Variants in MAPK10 observed in about 807,000 individuals in gnomAD.
MAPK10 encodes the protein JNK3 alpha protein kinase.
In MAPK10, 25 loss-of-function variants were observed where a neutral mutation model predicts 59.3. That is an observed-to-expected ratio of 0.42 (90% CI 0.31 to 0.59). The LOEUF (loss-of-function observed/expected upper bound fraction) is 0.59. Among genes scored for constraint, MAPK10 ranks in the 20% least tolerant of loss-of-function variants. The probability of loss-of-function intolerance (pLI) is 0.15; values close to 1 mark genes in which losing one functional copy is unlikely to be tolerated. For synonymous variants in MAPK10, 190 were observed against 200.5 expected (o/e 0.95, Z 0.44); for missense variants, 351 against 568.9 (o/e 0.62, Z 3.90).
chr4:86,102,059 T>C, intron 6 of MAPK10, 27 bp from the exon 7 acceptor site: 1 of 1,609,896 alleles, frequency 6.2e-7, no homozygotes, highest in Non-Finnish European at 8.5e-7. Flanking sequence ...ACAGTGTTAG[T>C]TCCAGATCAC....
At chr4:86,168,762 A>G (rs2072894903) in intron 3 of MAPK10, among the ~76,000 whole-genome samples, 1 of 152,160 alleles carries the variant, frequency 6.6e-6, no homozygotes, top group Non-Finnish European at 1.5e-5. Flanking sequence ...CTGCCTCCTC[A>G]AGTGGGTCCC....
At chr4:86,120,291 G>T (rs2059021026) in intron 4 of MAPK10, 1 of 152,204 alleles carries the variant, frequency 6.6e-6, no homozygotes, top group African/African-American at 2.4e-5. Flanking sequence ...CTAAATTGAA[G>T]CAAGGCAGCA....
At chr4:86,348,713 GTCTCTTA>G (rs1729581272) in intron 2 of MAPK10, among the ~76,000 whole-genome samples, 1 of 152,004 alleles carries the variant, frequency 6.6e-6, no homozygotes, top group Non-Finnish European at 1.5e-5. Context: ...CTACTCTTTG[GTCTCTTA>G]GTTCTGCCTT....
intron 1 of MAPK10, among the ~76,000 whole-genome samples, chr4:86,375,748 A>C (rs1739703329): frequency 6.8e-6 from 1 of 147,524 alleles, no homozygotes; most frequent in Non-Finnish European, 1.5e-5. Flanking sequence ...AAAAAATTAA[A>C]TGGAAAGAAG....
At chr4:86,225,729 T>C (rs2090494378) in intron 2 of MAPK10, among the ~76,000 whole-genome samples, 1 of 152,222 alleles carries the variant, frequency 6.6e-6, no homozygotes, top group Non-Finnish European at 1.5e-5. Context: ...CAATAGGTAC[T>C]AATAAAACAT....
At chr4:86,131,099 T>A (rs572689788) in intron 4 of MAPK10, among the ~76,000 whole-genome samples, 1 of 152,164 alleles carries the variant, frequency 6.6e-6, no homozygotes, top group Admixed American at 6.6e-5. Flanking sequence ...CAGGGACAGA[T>A]AAATTATGGC....
At chr4:86,547,398 G>T (rs962282459) in intron 1 of MAPK10, among the ~76,000 whole-genome samples, 6 of 152,212 alleles carry the variant, frequency 3.9e-5, no homozygotes, top group African/African-American at 9.6e-5. Context: ...CCCAGCAGTC[G>T]GCCGGCCCCA....
chr4:86,149,677 A>G (rs1562352560), intron 4 of MAPK10, among the ~76,000 whole-genome samples: 1 of 152,204 alleles, frequency 6.6e-6, no homozygotes, highest in Non-Finnish European at 1.5e-5. Flanking sequence ...ACAATAATGA[A>G]AACTAACAGG....
intron 3 of MAPK10, among the ~76,000 whole-genome samples, chr4:86,186,184 TC>T (rs1562851083): frequency 6.6e-6 from 1 of 152,124 alleles, no homozygotes; most frequent in Non-Finnish European, 1.5e-5. Context: ...TATTATTTCC[TC>T]CTTTTATAAA....
intron 4 of MAPK10, among the ~76,000 whole-genome samples, chr4:86,134,218 C>G (rs1052489726): frequency 6.6e-6 from 1 of 152,162 alleles, no homozygotes; most frequent in African/African-American, 2.4e-5. Flanking sequence ...TTGAAGATAT[C>G]TTTCATCTCC....
At chr4:86,496,347 TG>T (rs962960582) in intron 1 of MAPK10, among the ~76,000 whole-genome samples, 6 of 152,210 alleles carry the variant, frequency 3.9e-5, no homozygotes, top group African/African-American at 1.4e-4. Context: ...GGCCTGAACC[TG>T]GAAGATTTCC....
At chr4:86,408,824 G>A (rs1554259974) in intron 1 of MAPK10, among the ~76,000 whole-genome samples, 2 of 151,998 alleles carry the variant, frequency 1.3e-5, no homozygotes, top group Non-Finnish European at 2.9e-5. Flanking sequence ...TGGGTAGATT[G>A]CAAAAATTTT....
chr4:86,075,098 T>A (rs1396834138), intron 9 of MAPK10, among the ~76,000 whole-genome samples: 1 of 150,944 alleles, frequency 6.6e-6, no homozygotes, highest in Non-Finnish European at 1.5e-5. Context: ...CATTTCTTTT[T>A]ATTCTTTTTT....
At chr4:86,581,584 C>A (rs1762266270) in intron 1 of MAPK10, among the ~76,000 whole-genome samples, 1 of 151,500 alleles carries the variant, frequency 6.6e-6, no homozygotes, top group South Asian at 2.1e-4. Flanking sequence ...TTCAATCATG[C>A]CACATTTCCC....
intron 13 of MAPK10, among the ~76,000 whole-genome samples, chr4:86,022,531 C>T (rs956830835): frequency 6.6e-6 from 1 of 151,734 alleles, no homozygotes; most frequent in Admixed American, 6.6e-5. Flanking sequence ...TTTTTAAGGA[C>T]AGGGTCTCAG....
chr4:86,521,086 G>T (rs1757075032), intron 1 of MAPK10, among the ~76,000 whole-genome samples: 1 of 152,336 alleles, frequency 6.6e-6, no homozygotes, highest in African/African-American at 2.4e-5. Flanking sequence ...TTTCTCAAAT[G>T]CTGGTTATGC....
At chr4:86,408,466 G>A (rs1284724875) in intron 1 of MAPK10, among the ~76,000 whole-genome samples, 2 of 152,110 alleles carry the variant, frequency 1.3e-5, no homozygotes, top group Admixed American at 6.5e-5. Flanking sequence ...GATCCTTGAG[G>A]AATTGCCACA....
At chr4:86,522,491 G>A (rs1757184039) in intron 1 of MAPK10, among the ~76,000 whole-genome samples, 2 of 152,022 alleles carry the variant, frequency 1.3e-5, no homozygotes, top group African/African-American at 4.8e-5. Context: ...ATACATTTTA[G>A]CTTTTATGAT....
intron 1 of MAPK10, among the ~76,000 whole-genome samples, chr4:86,581,919 A>ATATAT (rs1762329664): frequency 1.8e-5 from 2 of 114,122 alleles, no homozygotes; most frequent in Non-Finnish European, 3.8e-5. Context: ...ATATATATAT[A>ATATAT]TATATATATA....
Sources: gnomAD v4.1 joint callset for allele counts (sites outside exome capture counted in the v4.1 genomes callset) on GRCh38, gnomAD v4.1.1 for gene constraint, MANE v1.5 for transcripts, NCBI Gene and HGNC (gene_info 2026-07-23, HGNC 2026-07-21) for gene names.